UGT8: variants seen among roughly 807,000 people sequenced by gnomAD.
The protein encoded by UGT8 is UDP glycosyltransferase 8.
In UGT8, 12 loss-of-function variants were observed where a neutral mutation model predicts 40.5. The observed-to-expected ratio is 0.30, with a 90% CI of 0.19 to 0.48. The LOEUF (loss-of-function observed/expected upper bound fraction) is 0.48. UGT8 is among the 20% of genes least tolerant of loss of function. The pLI, the probability that UGT8 is intolerant of heterozygous loss-of-function variation, is 0.99. For missense variants in UGT8, 513 were observed against 648.7 expected (o/e 0.79, Z 2.27); for synonymous variants, 224 against 240.4 (o/e 0.93, Z 0.63).
In UGT8 at chr4:114,623,020, A is replaced by G; in HGVS notation, c.140A>G (p.Glu47Gly). The G allele has an allele frequency of 3.1e-6, 5 of 1,614,094 alleles. No homozygotes were observed. The highest frequency in any genetic ancestry group is 1.3e-5 in the African/African-American group (1 of 75,042). The change falls in exon 2 of 6, where the codon GAG becomes GGG. Residue 47 changes from glutamate (E) to glycine (G), a missense_variant. Physicochemically the swap from Glu to Gly is moderately conservative, Grantham distance 98. Coordinates refer to ENST00000310836, the MANE Select transcript of UGT8 (RefSeq NM_001128174.3). ...IFKTLASALH[E>G]RGHHTVFLLS... Reference sequence around the variant, plus strand: ...AAGACGCTAGCCTCAGCCTTGCACGAGAGAGGCCACCATACAGTGTTCCTC... The same window carrying G: ...AAGACGCTAGCCTCAGCCTTGCACGGGAGAGGCCACCATACAGTGTTCCTC...
At chr4:114,612,152 T>C (rs1430276636) in intron 1 of UGT8, among the ~76,000 whole-genome samples, 5 of 152,234 alleles carry the variant, frequency 3.3e-5, no homozygotes, top group African/African-American at 1.2e-4. Flanking sequence ...TTTTACTTAC[T>C]AATTGGTTAT....
chr4:114,603,657 C>T (rs935598825), intron 1 of UGT8, among the ~76,000 whole-genome samples: 5 of 152,040 alleles, frequency 3.3e-5, no homozygotes, highest in Admixed American at 2.6e-4. Flanking sequence ...CACCCCCTCT[C>T]GAGCCCCGAA....
intron 2 of UGT8, among the ~76,000 whole-genome samples, chr4:114,626,394 G>A (rs78444063): frequency 0.013 from 1,936 of 152,238 alleles, 54 homozygotes; most frequent in African/African-American, 0.044. Context: ...AATTGCCCTG[G>A]TATCTTACAC....
intron 4 of UGT8, chr4:114,667,861 A>C (rs1734986642): frequency 2.3e-6 from 2 of 854,938 alleles, no homozygotes; most frequent in African/African-American, 3.6e-5. Context: ...TATACATTTC[A>C]ACTACTTAAA....
chr4:114,607,880 C>T (rs1730826509), intron 1 of UGT8, among the ~76,000 whole-genome samples: 1 of 152,134 alleles, frequency 6.6e-6, no homozygotes, highest in East Asian at 1.9e-4. Context: ...CTAAATGACT[C>T]ATTTTCACCA....
intron 2 of UGT8, among the ~76,000 whole-genome samples, chr4:114,637,494 C>T (rs1210212707): frequency 6.6e-6 from 1 of 152,094 alleles, no homozygotes; most frequent in Non-Finnish European, 1.5e-5. Flanking sequence ...TTTAAGAGAA[C>T]ATTTAATGGA....
intron 2 of UGT8, among the ~76,000 whole-genome samples, chr4:114,660,085 A>G (rs530022072): frequency 4.6e-4 from 70 of 152,334 alleles, no homozygotes; most frequent in African/African-American, 1.7e-3. Flanking sequence ...TAAAGAAATG[A>G]TGCTGTAAAA....
chr4:114,631,972 C>T (rs922410381), intron 2 of UGT8, among the ~76,000 whole-genome samples: 3 of 152,184 alleles, frequency 2.0e-5, no homozygotes, highest in Non-Finnish European at 2.9e-5. Context: ...GTTGAATGAT[C>T]AGTTCTTGCT....
rs182616324 is a variant in UGT8 at position 114,624,907 on chromosome 4, A to G, written c.822+1205A>G. On this transcript the variant is annotated intron_variant, in intron 2 of 5. Coordinates refer to ENST00000310836, the MANE Select transcript of UGT8 (RefSeq NM_001128174.3). Reference sequence around the variant, plus strand: ...CTCTCTGACGTCAACTGTAAAGGATAGGGATTAATCTCAGCTTATCTTAGC... The same window carrying G: ...CTCTCTGACGTCAACTGTAAAGGATGGGGATTAATCTCAGCTTATCTTAGC... Among the ~76,000 whole-genome samples, 227 of 152,310 alleles carry G rather than the reference A, an allele frequency of 1.5e-3. 1 individual carries two copies. Among genetic ancestry groups the G allele is most frequent in the African/African-American group, 5.2e-3 (218 of 41,576 alleles).
At chr4:114,618,933 A>C (rs1319805694) in intron 1 of UGT8, among the ~76,000 whole-genome samples, 1 of 152,116 alleles carries the variant, frequency 6.6e-6, no homozygotes, top group Admixed American at 6.5e-5. Flanking sequence ...TATTCAGGGA[A>C]TTCCAATAGG....
chr4:114,674,371 C>T (rs1735486769), intron 5 of UGT8, among the ~76,000 whole-genome samples: 1 of 152,118 alleles, frequency 6.6e-6, no homozygotes, highest in Non-Finnish European at 1.5e-5. Flanking sequence ...ACATTTAATC[C>T]ACACTTTTAC....
chr4:114,654,867 A>G (rs1475086566), intron 2 of UGT8, among the ~76,000 whole-genome samples: 1 of 152,038 alleles, frequency 6.6e-6, no homozygotes, highest in African/African-American at 2.4e-5. Flanking sequence ...CTTGATGGGG[A>G]CTTTCTGAAA....
At chr4:114,632,177 A>T (rs577666716) in intron 2 of UGT8, among the ~76,000 whole-genome samples, 2 of 152,336 alleles carry the variant, frequency 1.3e-5, no homozygotes, top group South Asian at 2.1e-4. Context: ...AGATTCAAGA[A>T]TTCTGATTAA....
intron 1 of UGT8, among the ~76,000 whole-genome samples, chr4:114,605,646 G>T (rs1730687474): frequency 6.6e-6 from 1 of 152,056 alleles, no homozygotes; most frequent in Non-Finnish European, 1.5e-5. Flanking sequence ...AAACTGTGGG[G>T]CTAATTTTCT....
intron 2 of UGT8, among the ~76,000 whole-genome samples, chr4:114,660,185 A>G (rs1734427438): frequency 6.6e-6 from 1 of 152,224 alleles, no homozygotes; most frequent in Non-Finnish European, 1.5e-5. Context: ...CATTTAAAAA[A>G]AGACATTTAT....
At chr4:114,674,083 A>T (rs1735467775) in intron 5 of UGT8, among the ~76,000 whole-genome samples, 1 of 152,176 alleles carries the variant, frequency 6.6e-6, no homozygotes, top group South Asian at 2.1e-4. Flanking sequence ...GTTAAAACTT[A>T]ATGTTTAGGT....
chr4:114,627,153 C>T (rs1732278511), intron 2 of UGT8, among the ~76,000 whole-genome samples: 1 of 151,984 alleles, frequency 6.6e-6, no homozygotes, highest in South Asian at 2.1e-4. Context: ...GGTTTACCTA[C>T]TCTATCATTG....
intron 5 of UGT8, among the ~76,000 whole-genome samples, chr4:114,669,120 T>G (rs1391559944): frequency 2.0e-5 from 3 of 152,146 alleles, no homozygotes; most frequent in African/African-American, 7.2e-5. Context: ...GAACAACCAA[T>G]AATAAGAAAA....
intron 2 of UGT8, among the ~76,000 whole-genome samples, chr4:114,653,558 T>G (rs1734006213): frequency 6.6e-6 from 1 of 152,120 alleles, no homozygotes; most frequent in South Asian, 2.1e-4. Context: ...GAAGGGATTC[T>G]TTAGTTGCCA....
Sources: gnomAD v4.1 joint callset for allele counts (sites outside exome capture counted in the v4.1 genomes callset) on GRCh38, gnomAD v4.1.1 for gene constraint, MANE v1.5 for transcripts, NCBI Gene and HGNC (gene_info 2026-07-23, HGNC 2026-07-21) for gene names.